Variants in SH3PXD2B observed in about 807,000 individuals in gnomAD.
SH3PXD2B encodes the protein SH3 and PX domains 2B.
SH3PXD2B carries 37 observed loss-of-function variants against 73.1 expected under a neutral mutation model. The ratio of observed to expected loss-of-function variants is 0.51; its 90% confidence interval spans 0.39 to 0.67. The LOEUF (loss-of-function observed/expected upper bound fraction) is 0.67, where lower values mean the gene tolerates loss of function less well. Among genes scored for constraint, SH3PXD2B ranks in the 30% least tolerant of loss-of-function variants. The probability of loss-of-function intolerance (pLI) is 0.00; values close to 1 mark genes in which losing one functional copy is unlikely to be tolerated. For missense variants in SH3PXD2B, 1,053 were observed against 1,197.8 expected, an observed-to-expected ratio of 0.88 and a Z score of 1.78; for synonymous variants, 457 against 480.5, an observed-to-expected ratio of 0.95 and a Z score of 0.64.
At chr5:172,436,430 CT>C (rs1287962603) in intron 1 of SH3PXD2B, among the ~76,000 whole-genome samples, 1 of 152,272 alleles carries the variant, frequency 6.6e-6, no homozygotes, top group Non-Finnish European at 1.5e-5. Flanking sequence ...ATTCTGCCTG[CT>C]TCAGGCAGAC....
Position 172,406,372 on chromosome 5 carries a change from CA to C in SH3PXD2B, c.157-21del. ...CTGCATCTAAGTGGGGGGCGAATAC[CA>C]AAAACAAAAACCTTTCATAATGCAC... On this transcript the variant is annotated intron_variant, in intron 2 of 12. Coordinates refer to ENST00000311601, the MANE Select transcript of SH3PXD2B (RefSeq NM_001017995.3). 1 of 1,612,486 alleles carries C rather than the reference CA, an allele frequency of 6.2e-7. No individual in the cohort carries two copies. Among genetic ancestry groups the C allele is most frequent in the Non-Finnish European group, 8.5e-7 (1 of 1,178,856 alleles).
intron 1 of SH3PXD2B, among the ~76,000 whole-genome samples, chr5:172,446,617 A>G (rs1240914551): frequency 6.6e-6 from 1 of 152,188 alleles, no homozygotes; most frequent in Middle Eastern, 3.2e-3. Context: ...TGGCAGTGTG[A>G]TAACTGGGCT....
At chr5:172,416,691 TCTCTC>T (rs144313271) in intron 2 of SH3PXD2B, among the ~76,000 whole-genome samples, 18 of 94,422 alleles carry the variant, frequency 1.9e-4, no homozygotes, top group African/African-American at 6.0e-4. Context: ...TCTCTCTCTC[TCTCTC>T]TTTTTTTTTT....
intron 4 of SH3PXD2B, among the ~76,000 whole-genome samples, chr5:172,393,949 AT>A (rs11296369): frequency 0.43 from 63,324 of 148,212 alleles, 14,330 homozygotes; most frequent in East Asian, 0.66. Flanking sequence ...GCTTAAGAGG[AT>A]TTTTTTTTTT....
chr5:172,415,395 A>G (rs779690025), intron 2 of SH3PXD2B, among the ~76,000 whole-genome samples: 11 of 152,206 alleles, frequency 7.2e-5, no homozygotes, highest in South Asian at 2.1e-4. Context: ...GGGTAAATCT[A>G]TCTTTCAATA....
At chr5:172,448,411 C>T (rs993836018) in intron 1 of SH3PXD2B, among the ~76,000 whole-genome samples, 2 of 152,116 alleles carry the variant, frequency 1.3e-5, no homozygotes, top group Non-Finnish European at 2.9e-5. Flanking sequence ...AGTGAAGTGG[C>T]GCAATCTCGG....
intron 4 of SH3PXD2B, among the ~76,000 whole-genome samples, chr5:172,387,192 C>T (rs1404134330): frequency 6.6e-6 from 1 of 152,190 alleles, no homozygotes; most frequent in Non-Finnish European, 1.5e-5. Flanking sequence ...GGCACACACA[C>T]TCACAAGTGT....
chr5:172,443,050 A>C (rs1759583078), intron 1 of SH3PXD2B, among the ~76,000 whole-genome samples: 1 of 152,240 alleles, frequency 6.6e-6, no homozygotes, highest in Admixed American at 6.5e-5. Flanking sequence ...ATAGATCCCA[A>C]ATGAAACTAA....
chr5:172,388,465 T>C (rs1218871752), intron 4 of SH3PXD2B, among the ~76,000 whole-genome samples: 4 of 152,180 alleles, frequency 2.6e-5, no homozygotes, highest in Admixed American at 1.3e-4. Flanking sequence ...ATCCACTCTA[T>C]TTATTATGTT....
At chr5:172,422,159 T>C (rs986582451) in intron 2 of SH3PXD2B, among the ~76,000 whole-genome samples, 1 of 152,102 alleles carries the variant, frequency 6.6e-6, no homozygotes, top group Admixed American at 6.5e-5. Flanking sequence ...CGCACCTGGC[T>C]AATGTTTGTA....
Position 172,445,212 on chromosome 5 carries a change from A to T in SH3PXD2B, c.75+9066T>A, listed in dbSNP as rs1438111790. Among the ~76,000 whole-genome samples the T allele has an allele frequency of 6.6e-6, 1 of 152,176 alleles. No homozygotes were observed. The highest frequency in any genetic ancestry group is 1.9e-4 in the East Asian group (1 of 5,200). On this transcript the variant is annotated intron_variant, in intron 1 of 12. Coordinates refer to ENST00000311601, the MANE Select transcript of SH3PXD2B (RefSeq NM_001017995.3). This position sits in a 1 kb window ranked among gnomAD's most constrained non-coding sequence, Gnocchi z 5.2. ...AGGACACTGACCTTCTTGAGGTCTCAATCCCTGCTTTGTCTATCCACATGT... is the reference window on the plus strand; with the variant it reads ...AGGACACTGACCTTCTTGAGGTCTCTATCCCTGCTTTGTCTATCCACATGT...
At chr5:172,329,678 C>T (rs147908639), downstream of SH3PXD2B, among the ~76,000 whole-genome samples, 2,607 of 151,648 alleles carry the variant, frequency 0.017, 74 homozygotes, top group African/African-American at 0.059. Flanking sequence ...GATGGGACTA[C>T]AGGCACCCGC....
intron 4 of SH3PXD2B, among the ~76,000 whole-genome samples, chr5:172,383,992 G>A (rs1033637726): frequency 3.3e-5 from 5 of 151,894 alleles, no homozygotes; most frequent in East Asian, 3.9e-4. Flanking sequence ...GATTACAGGC[G>A]CACGCCACCC....
intron 12 of SH3PXD2B, among the ~76,000 whole-genome samples, chr5:172,340,991 AT>A (rs1756837658): frequency 6.6e-6 from 1 of 152,048 alleles, no homozygotes; most frequent in South Asian, 2.1e-4. Context: ...AGTAGAGTAG[AT>A]TTTCATCGTG....
intron 2 of SH3PXD2B, among the ~76,000 whole-genome samples, chr5:172,412,419 T>C (rs548869538): frequency 6.6e-6 from 1 of 152,344 alleles, no homozygotes; most frequent in Non-Finnish European, 1.5e-5. Context: ...AATACCCTCA[T>C]GTGACGAGCA....
chr5:172,337,908 G>A lies in SH3PXD2B; in HGVS notation c.*461C>T. Reference sequence around the variant, plus strand: ...AGGCAATTTAGGAGGAGTGAATAAAGCCACTGGGCTTTTAGAAACATGAAG... The same window carrying A: ...AGGCAATTTAGGAGGAGTGAATAAAACCACTGGGCTTTTAGAAACATGAAG... On this transcript the variant is annotated 3_prime_UTR_variant, in exon 13 of 13. Coordinates refer to ENST00000311601, the MANE Select transcript of SH3PXD2B (RefSeq NM_001017995.3). 3 of 1,027,680 alleles carry A rather than the reference G, an allele frequency of 2.9e-6. No individual in the cohort carries two copies. The highest frequency in any genetic ancestry group is 2.3e-6 in the Non-Finnish European group (2 of 855,288). 63.7% of individuals were successfully genotyped at this position (1,027,680 alleles called of 1,614,324 possible).
At chr5:172,422,724 T>C (rs1366678049) in intron 1 of SH3PXD2B, among the ~76,000 whole-genome samples, 1 of 152,222 alleles carries the variant, frequency 6.6e-6, no homozygotes, top group Non-Finnish European at 1.5e-5. Flanking sequence ...ACATCAAGTA[T>C]GGGGATGCAG....
intron 1 of SH3PXD2B, among the ~76,000 whole-genome samples, chr5:172,443,150 C>T (rs1759584720): frequency 6.6e-6 from 1 of 152,186 alleles, no homozygotes; most frequent in African/African-American, 2.4e-5. Context: ...AACAGAACCT[C>T]GTGGTGGGTC....
intron 1 of SH3PXD2B, among the ~76,000 whole-genome samples, chr5:172,430,437 G>C (rs1000445407): frequency 2.0e-5 from 3 of 152,226 alleles, no homozygotes; most frequent in African/African-American, 4.8e-5. Context: ...CCAGCTTCCA[G>C]AGTCAGGGCT....
Sources: allele counts gnomAD v4.1 joint callset (sites outside exome capture counted in the v4.1 genomes callset), GRCh38; gene constraint gnomAD v4.1.1; non-coding constraint Gnocchi (gnomAD v3.1); transcripts MANE v1.5; gene names NCBI Gene and HGNC (gene_info 2026-07-23, HGNC 2026-07-21).